PFKFB3: variants seen among roughly 807,000 people sequenced by gnomAD.
PFKFB3 encodes the protein 6-phosphofructo-2-kinase/fructose-2,6-biphosphatase 3, also known as 6-phosphofructo-2-kinase/fructose-2,6-bisphosphatase 3.
A neutral mutation model predicts 68.0 loss-of-function variants in PFKFB3; 33 were observed. The ratio of observed to expected loss-of-function variants is 0.49; its 90% CI spans 0.37 to 0.65. The LOEUF (loss-of-function observed/expected upper bound fraction) is 0.65. Ranked by LOEUF, PFKFB3 falls within the 30% of genes least tolerant of loss-of-function variation. PFKFB3 has a pLI of 0.00. For missense variants in PFKFB3, 586 were observed against 712.2 expected, an observed-to-expected ratio of 0.82 and a Z score of 2.02; for synonymous variants, 315 against 288.2, an observed-to-expected ratio of 1.09 and a Z score of -0.94.
chr10:6,165,286 C>A lies in PFKFB3; in HGVS notation c.16+20273C>A, dbSNP rs112452909. 2.8e-3 allele frequency among the ~76,000 whole-genome samples: 434 copies of A among 152,338 alleles called. 3 individuals carry two copies. The highest frequency in any genetic ancestry group is 9.7e-3 in the African/African-American group (404 of 41,570). On this transcript the variant is annotated intron_variant, in intron 1 of 14. Transcript: ENST00000379789. ...CCTGCACGGCCCTGAATCCATTAAA[C>A]CTTGATTCAATACAGCACATGTTTC...
the PFKFB3 span, among the ~76,000 whole-genome samples, chr10:6,311,013 C>A: frequency 6.6e-6 from 1 of 151,940 alleles, no homozygotes; most frequent in African/African-American, 2.4e-5. Flanking sequence ...GAAAAAAAAC[C>A]CATGGAATTT....
chr10:6,145,068 GC>G, intron 1 of PFKFB3: 1 of 1,275,190 alleles, frequency 7.8e-7, no homozygotes, highest in Non-Finnish European at 1.0e-6. Context: ...GACCTGAGCG[GC>G]CGCCTGTGGG....
At chr10:6,196,048 G>A (rs1031866349) in intron 1 of PFKFB3, among the ~76,000 whole-genome samples, 3 of 152,080 alleles carry the variant, frequency 2.0e-5, no homozygotes, top group African/African-American at 4.8e-5. Flanking sequence ...AACACTATTC[G>A]GGGGAGAGGG....
chr10:6,178,984 T>C (rs1195414244), intron 1 of PFKFB3, among the ~76,000 whole-genome samples: 1 of 152,246 alleles, frequency 6.6e-6, no homozygotes, highest in East Asian at 1.9e-4. Context: ...CTGAGGCGGC[T>C]TTCTTATCTC....
chr10:6,152,451 G>A (rs889102175), intron 1 of PFKFB3, among the ~76,000 whole-genome samples: 5 of 152,164 alleles, frequency 3.3e-5, no homozygotes, highest in African/African-American at 1.2e-4. Flanking sequence ...TCTGGTAGGA[G>A]GGTGGAAGGC....
At chr10:6,213,940 C>T (rs375077256) in intron 2 of PFKFB3, among the ~76,000 whole-genome samples, 192 bp downstream of exon 2, 7 of 150,918 alleles carry the variant, frequency 4.6e-5, no homozygotes, top group East Asian at 3.9e-4. Context: ...GGGGTTTTCT[C>T]CTCACTGGCC....
chr10:6,205,014 A>T (rs1174852946), intron 1 of PFKFB3, among the ~76,000 whole-genome samples: 9 of 152,232 alleles, frequency 5.9e-5, no homozygotes, highest in Admixed American at 5.2e-4. Flanking sequence ...ATCCTGATCC[A>T]TTAGACCCCA....
At chr10:6,194,127 A>G (rs1187023847) in intron 1 of PFKFB3, among the ~76,000 whole-genome samples, 1 of 152,180 alleles carries the variant, frequency 6.6e-6, no homozygotes, top group Non-Finnish European at 1.5e-5. Context: ...AGAGGTCTAG[A>G]CGAGGTGTAG....
rs778133808 is a variant in PFKFB3 at position 6,224,191 on chromosome 10, G to T, written c.1319G>T (p.Cys440Phe). The T allele has an allele frequency of 9.3e-6, 15 of 1,614,012 alleles. No individual in the cohort carries two copies. Among genetic ancestry groups the T allele is most frequent in the Non-Finnish European group, 1.2e-5 (14 of 1,180,016 alleles). The change falls in exon 13 of 15, where the codon TGC becomes TTC. Residue 440 changes from cysteine (C) to phenylalanine (F), a missense_variant. Transcript: ENST00000379775. ...ATCTACCTGAACGTGGAGTCCGTCT[G>T]CACACACCGGGAGAGGTCAGAGGTG... ...ESIYLNVESVCTHRERSEDAK... is the reference protein window; with the variant it reads ...ESIYLNVESVFTHRERSEDAK...
chr10:6,187,086 C>T (rs1428207545), intron 1 of PFKFB3, among the ~76,000 whole-genome samples: 6 of 151,750 alleles, frequency 4.0e-5, no homozygotes, highest in Admixed American at 1.3e-4. Flanking sequence ...GGCAGCCGGG[C>T]GCAGCGACTC....
At chr10:6,249,787 A>T (rs1846338096) in intron 14 of PFKFB3, among the ~76,000 whole-genome samples, 1 of 152,130 alleles carries the variant, frequency 6.6e-6, no homozygotes, top group South Asian at 2.1e-4. Flanking sequence ...TGGTGACTAT[A>T]GAAAATAATA....
At chr10:6,164,179 A>G (rs555072251) in intron 1 of PFKFB3, among the ~76,000 whole-genome samples, 205 of 151,602 alleles carry the variant, frequency 1.4e-3, no homozygotes, top group Non-Finnish European at 2.4e-3. Context: ...GGCCCACCCC[A>G]CCCCGCGCGT....
chr10:6,226,473 G>T, intron 14 of PFKFB3, 108 bp downstream of exon 14: 1 of 1,048,802 alleles, frequency 9.5e-7, no homozygotes, highest in South Asian at 1.5e-5. Context: ...GCGTGGGTGC[G>T]TGTGGGTGCG....
At chr10:6,203,462 G>C in intron 1 of PFKFB3, 126 bp downstream of exon 1, 2 of 410,266 alleles carry the variant, frequency 4.9e-6, no homozygotes, top group Non-Finnish European at 7.3e-6. Flanking sequence ...CCGGCGGGGC[G>C]GGGCGGAGGC....
chr10:6,228,607 C>T lies in PFKFB3; in HGVS notation c.1515+2242C>T, dbSNP rs1845516047. Among the ~76,000 whole-genome samples the T allele has an allele frequency of 6.6e-6, 1 of 152,052 alleles. No individual in the cohort carries two copies. Among genetic ancestry groups the T allele is most frequent in the East Asian group, 1.9e-4 (1 of 5,154 alleles). On this transcript the variant is annotated intron_variant, in intron 14 of 14. Transcript: ENST00000379775. This position sits in a 1 kb window ranked among gnomAD's most constrained non-coding sequence, Gnocchi z 4.5. ...TGCCAGGTGCCATTAGCCTTAAAGC[C>T]CCCTCCTGCCCCAGGAGTGTCCTTT... is the stretch of plus-strand genomic sequence containing the variant.
the PFKFB3 span, among the ~76,000 whole-genome samples, chr10:6,267,149 G>A: frequency 2.0e-5 from 3 of 152,162 alleles, no homozygotes; most frequent in African/African-American, 7.2e-5. Context: ...AAACATAAGC[G>A]CATTTAACTC....
chr10:6,305,260 G>A, the PFKFB3 span, among the ~76,000 whole-genome samples: 2 of 136,040 alleles, frequency 1.5e-5, no homozygotes, highest in Admixed American at 7.6e-5. Context: ...CTGAGCTCAA[G>A]CTATCCTCCT....
the PFKFB3 span, among the ~76,000 whole-genome samples, chr10:6,273,002 C>CTTT: frequency 6.7e-5 from 5 of 74,140 alleles, no homozygotes; most frequent in African/African-American, 1.8e-4. Context: ...AGATTGCAGG[C>CTTT]TTTTTTTTTT....
the PFKFB3 span, among the ~76,000 whole-genome samples, chr10:6,321,888 G>A: frequency 3.9e-5 from 6 of 152,020 alleles, no homozygotes; most frequent in Admixed American, 1.3e-4. Flanking sequence ...TGCCGATTCC[G>A]CCTCCACTTC....
Sources: allele counts gnomAD v4.1 joint callset (sites outside exome capture counted in the v4.1 genomes callset), GRCh38; gene constraint gnomAD v4.1.1; non-coding constraint Gnocchi (gnomAD v3.1); transcripts MANE v1.5; gene names NCBI Gene and HGNC (gene_info 2026-07-23, HGNC 2026-07-21).